NSMCE2: variants seen among roughly 807,000 people sequenced by gnomAD.
NSMCE2 encodes E3 SUMO-protein ligase NSE2.
A neutral mutation model predicts 23.8 loss-of-function variants in NSMCE2; 24 were observed. The observed-to-expected ratio is 1.01, with a 90% CI of 0.73 to 1.42. NSMCE2 has a LOEUF of 1.42. Ranked by LOEUF, NSMCE2 falls within the 40% of genes most tolerant of loss-of-function variation. The pLI is 0.00. For missense variants in NSMCE2, 284 were observed against 296.5 expected, an observed-to-expected ratio of 0.96 and a Z score of 0.31; for synonymous variants, 92 against 94.1, an observed-to-expected ratio of 0.98 and a Z score of 0.13.
At chr8:125,357,175 G>A (rs1447482473) in intron 5 of NSMCE2, 44 bp from the exon 6 acceptor site, 1 of 1,268,364 alleles carries the variant, frequency 7.9e-7, no homozygotes, top group Non-Finnish European at 1.1e-6. Flanking sequence ...CCTTTTCTTT[G>A]ACGTTAGACC....
chr8:125,342,194 G>GT (rs1008390895), intron 5 of NSMCE2, among the ~76,000 whole-genome samples: 1 of 152,184 alleles, frequency 6.6e-6, no homozygotes, highest in Non-Finnish European at 1.5e-5. Flanking sequence ...GTGCTCACTC[G>GT]TAATTGTCAC....
chr8:125,242,857 C>T (rs1393314858), intron 5 of NSMCE2, among the ~76,000 whole-genome samples: 2 of 152,174 alleles, frequency 1.3e-5, no homozygotes, highest in South Asian at 2.1e-4. Flanking sequence ...GCAGAAGAGA[C>T]AGTGCTAGCT....
Position 125,339,130 on chromosome 8 carries a change from T to C in NSMCE2, c.419-18089T>C, listed in dbSNP as rs186783452. On this transcript the variant is annotated intron_variant, in intron 5 of 7. Transcript: ENST00000287437. The stretch of plus-strand genomic sequence containing the variant: ...TTGCTGTTGGAGGAAGGGACACTGC[T>C]CTGCAGTGTCTTCTGTCAGGTCTGC... Among the ~76,000 whole-genome samples the C allele has an allele frequency of 7.2e-5, 11 of 152,310 alleles. No individual in the cohort carries two copies. The East Asian group carries it at 2.1e-3, about 29-fold the overall frequency.
At chr8:125,097,425 A>T (rs1817991985) in intron 1 of NSMCE2, among the ~76,000 whole-genome samples, 1 of 152,110 alleles carries the variant, frequency 6.6e-6, no homozygotes, top group African/African-American at 2.4e-5. Context: ...ATTCCTTTGT[A>T]CCTGTATGCC....
At chr8:125,218,410 G>T (rs539029110) in intron 5 of NSMCE2, among the ~76,000 whole-genome samples, 4 of 147,360 alleles carry the variant, frequency 2.7e-5, no homozygotes, top group African/African-American at 1.0e-4. Context: ...CTGAAAAATT[G>T]AGGGTTTTTT....
rs991502351 is a variant in NSMCE2, at chr8:125,171,114, G to A, written c.265-10989G>A. Among the ~76,000 whole-genome samples, 4 of 152,106 alleles carry A rather than the reference G, an allele frequency of 2.6e-5. No individual in the cohort carries two copies. The East Asian group carries it at 5.8e-4, about 22-fold the overall frequency. On this transcript the variant is annotated intron_variant, in intron 4 of 7. Coordinates refer to ENST00000287437, the MANE Select transcript of NSMCE2 (RefSeq NM_173685.4). ...TCTTTAGGTCTCTGGTTCAGATGTCGTCTTTTCATTGAAGCCTGCCTTGAC... is the reference window on the plus strand; with the variant it reads ...TCTTTAGGTCTCTGGTTCAGATGTCATCTTTTCATTGAAGCCTGCCTTGAC...
intron 5 of NSMCE2, among the ~76,000 whole-genome samples, chr8:125,184,917 T>C (rs994836341): frequency 6.6e-6 from 1 of 152,126 alleles, no homozygotes; most frequent in Non-Finnish European, 1.5e-5. Flanking sequence ...TTTTTAAAGA[T>C]TAGAAAATAG....
intron 3 of NSMCE2, among the ~76,000 whole-genome samples, chr8:125,125,524 A>G (rs1316312529): frequency 1.3e-5 from 2 of 152,248 alleles, no homozygotes; most frequent in East Asian, 3.9e-4. Flanking sequence ...ACCTAATTGC[A>G]GGAAACAGTG....
chr8:125,339,806 A>G (rs1388742051), intron 5 of NSMCE2, among the ~76,000 whole-genome samples: 5 of 152,026 alleles, frequency 3.3e-5, no homozygotes, highest in Non-Finnish European at 5.9e-5. Flanking sequence ...TGCCCGTCAC[A>G]CTATGCTACA....
intron 3 of NSMCE2, among the ~76,000 whole-genome samples, chr8:125,102,730 T>C (rs1254009641): frequency 1.3e-5 from 2 of 152,190 alleles, no homozygotes; most frequent in Non-Finnish European, 2.9e-5. Flanking sequence ...GGCAAAGATT[T>C]GAAGATCCTG....
At chr8:125,095,040 A>G (rs1336981962) in intron 1 of NSMCE2, among the ~76,000 whole-genome samples, 1 of 152,028 alleles carries the variant, frequency 6.6e-6, no homozygotes, top group East Asian at 2.0e-4. Flanking sequence ...CTGTAAAGAC[A>G]GAGTCTCACT....
rs562593622 is a variant in NSMCE2, at chr8:125,115,365, A to G, written c.157+12878A>G. On this transcript the variant is annotated intron_variant, in intron 3 of 7. Transcript: ENST00000287437. ...GCTTTAAAAGTAACAAAGCCTATAT[A>G]TTGGAGGAGCTTCAGAGTCATCCTT... is the stretch of plus-strand genomic sequence containing the variant. 1.5e-3 allele frequency among the ~76,000 whole-genome samples: 229 copies of G among 152,360 alleles called. 1 individual carries two copies. Among genetic ancestry groups the G allele is most frequent in the African/African-American group, 5.4e-3 (224 of 41,592 alleles).
At chr8:125,206,260 G>T (rs1824114307) in intron 5 of NSMCE2, among the ~76,000 whole-genome samples, 1 of 152,168 alleles carries the variant, frequency 6.6e-6, no homozygotes, top group Non-Finnish European at 1.5e-5. Context: ...ATGTATATGG[G>T]AGAAAAGATT....
At chr8:125,175,882 G>C (rs1822462799) in intron 4 of NSMCE2, among the ~76,000 whole-genome samples, 1 of 152,208 alleles carries the variant, frequency 6.6e-6, no homozygotes, top group Non-Finnish European at 1.5e-5. Flanking sequence ...ATAATATGTA[G>C]TTTCAGCGTG....
intron 5 of NSMCE2, among the ~76,000 whole-genome samples, chr8:125,298,514 A>G (rs1828416757): frequency 2.6e-5 from 4 of 152,170 alleles, no homozygotes; most frequent in Admixed American, 2.0e-4. Context: ...CAGATCTTCC[A>G]GTGCTGATGC....
intron 5 of NSMCE2, among the ~76,000 whole-genome samples, chr8:125,301,123 A>G (rs551557663): frequency 3.9e-5 from 6 of 152,322 alleles, no homozygotes; most frequent in South Asian, 2.1e-4. Context: ...TGAACAATCT[A>G]TGTGACCCAT....
intron 5 of NSMCE2, among the ~76,000 whole-genome samples, chr8:125,311,501 A>G (rs909752887): frequency 6.6e-6 from 1 of 152,266 alleles, no homozygotes; most frequent in African/African-American, 2.4e-5. Flanking sequence ...TAAAATTGTC[A>G]GCGTGAGTAT....
At chr8:125,312,108 G>GAA (rs1389822882) in intron 5 of NSMCE2, among the ~76,000 whole-genome samples, 1 of 143,072 alleles carries the variant, frequency 7.0e-6, no homozygotes, top group Non-Finnish European at 1.5e-5. Context: ...GAAAAGAAAA[G>GAA]AAGATAATGA....
At chr8:125,261,238 G>A (rs1826678634) in intron 5 of NSMCE2, among the ~76,000 whole-genome samples, 1 of 152,138 alleles carries the variant, frequency 6.6e-6, no homozygotes, top group East Asian at 1.9e-4. Context: ...GCAAGTTTAT[G>A]CAAGCTAATC....
Sources: allele counts gnomAD v4.1 joint callset (sites outside exome capture counted in the v4.1 genomes callset), GRCh38; gene constraint gnomAD v4.1.1; transcripts MANE v1.5; gene names NCBI Gene and HGNC (gene_info 2026-07-23, HGNC 2026-07-21).